The following SEMA3C variants were observed in gnomAD, a reference collection of about 807,000 sequenced individuals.
The protein encoded by SEMA3C is semaphorin-3C.
A neutral mutation model predicts 89.4 loss-of-function variants in SEMA3C; 47 were observed. The observed-to-expected ratio is 0.53, with a 90% CI of 0.42 to 0.67. SEMA3C has a LOEUF of 0.67. SEMA3C is among the 30% of genes least tolerant of loss of function. The pLI is 0.00. For missense variants in SEMA3C, 839 were observed against 929.1 expected (o/e 0.90, Z 1.26); for synonymous variants, 310 against 320.2 (o/e 0.97, Z 0.34).
At chr7:80,767,269 T>C (rs1053120647) in intron 12 of SEMA3C, among the ~76,000 whole-genome samples, 3 of 152,230 alleles carry the variant, frequency 2.0e-5, no homozygotes, top group Non-Finnish European at 4.4e-5. Context: ...ATATGTTTCT[T>C]TGGATATCTC....
intron 11 of SEMA3C, chr7:80,793,577 A>G (rs1432226692): frequency 2.5e-6 from 1 of 402,078 alleles, no homozygotes; most frequent in Non-Finnish European, 4.8e-6. Flanking sequence ...TAAGATAAAC[A>G]ATCAATTTTG....
intron 2 of SEMA3C, among the ~76,000 whole-genome samples, chr7:80,858,908 T>C (rs1341798624): frequency 6.6e-6 from 1 of 152,154 alleles, no homozygotes; most frequent in East Asian, 1.9e-4. Context: ...AATGGTATCT[T>C]AAAAAGGATA....
chr7:80,851,033 C>T (rs565036880), intron 2 of SEMA3C, among the ~76,000 whole-genome samples: 8 of 152,208 alleles, frequency 5.3e-5, no homozygotes, highest in African/African-American at 1.9e-4. Context: ...GACCACCTCC[C>T]TCCGATCTCT....
chr7:80,882,466 G>C (rs561868908), intron 2 of SEMA3C, among the ~76,000 whole-genome samples: 1 of 71,762 alleles, frequency 1.4e-5, no homozygotes, highest in Non-Finnish European at 2.6e-5. Context: ...ATTATGCCTC[G>C]TATTATTTAT....
chr7:80,830,167 G>T (rs557439873), intron 2 of SEMA3C, among the ~76,000 whole-genome samples: 1 of 152,142 alleles, frequency 6.6e-6, no homozygotes, highest in African/African-American at 2.4e-5. Flanking sequence ...CCAATAATCT[G>T]AAAATGCCCT....
chr7:80,905,482 C>G (rs1791992464), intron 2 of SEMA3C, among the ~76,000 whole-genome samples: 1 of 152,004 alleles, frequency 6.6e-6, no homozygotes, highest in Admixed American at 6.6e-5. Flanking sequence ...AATGACTCTG[C>G]ACAGTTACAG....
chr7:80,803,094 A>T (rs1789248017), intron 8 of SEMA3C, among the ~76,000 whole-genome samples: 1 of 152,170 alleles, frequency 6.6e-6, no homozygotes, highest in African/African-American at 2.4e-5. Context: ...AGATCATTTA[A>T]TCTGCCTTTC....
intron 12 of SEMA3C, among the ~76,000 whole-genome samples, chr7:80,780,296 A>G (rs1312947531): frequency 2.0e-5 from 3 of 152,212 alleles, no homozygotes; most frequent in Admixed American, 1.3e-4. Context: ...TTTATATATC[A>G]TAAGTCCTGG....
chr7:80,863,712 A>G (rs1247118285), intron 2 of SEMA3C, among the ~76,000 whole-genome samples: 1 of 149,086 alleles, frequency 6.7e-6, no homozygotes, highest in Non-Finnish European at 1.5e-5. Context: ...TGTGATATAT[A>G]TATCACAGAT....
chr7:80,775,526 T>C (rs977064174), intron 12 of SEMA3C, among the ~76,000 whole-genome samples: 1 of 152,298 alleles, frequency 6.6e-6, no homozygotes, highest in African/African-American at 2.4e-5. Context: ...TTATATTCTA[T>C]TTTTAATGCA....
At chr7:80,767,876 T>C (rs886698409) in intron 12 of SEMA3C, among the ~76,000 whole-genome samples, 4 of 152,222 alleles carry the variant, frequency 2.6e-5, no homozygotes, top group African/African-American at 4.8e-5. Flanking sequence ...CTCATGTTTA[T>C]AGTTTGTGTT....
chr7:80,820,719 A>G (rs889797496), intron 4 of SEMA3C, among the ~76,000 whole-genome samples: 2 of 152,178 alleles, frequency 1.3e-5, no homozygotes, highest in Non-Finnish European at 2.9e-5. Context: ...CTGGAAATTG[A>G]TTACATAACT....
At chr7:80,789,742 G>A (rs866574860) in intron 11 of SEMA3C, among the ~76,000 whole-genome samples, 9 of 152,242 alleles carry the variant, frequency 5.9e-5, no homozygotes, top group Middle Eastern at 3.4e-3. Context: ...CTAAGTCATT[G>A]TATGTTATTC....
chr7:80,815,413 C>T (rs2115742954), intron 5 of SEMA3C, among the ~76,000 whole-genome samples: 1 of 151,568 alleles, frequency 6.6e-6, no homozygotes, highest in South Asian at 2.1e-4. Flanking sequence ...AGATTAGGAG[C>T]ACAAAAGCTG....
At chr7:80,771,060 T>C (rs555099723) in intron 12 of SEMA3C, among the ~76,000 whole-genome samples, 28 of 152,368 alleles carry the variant, frequency 1.8e-4, no homozygotes, top group African/African-American at 6.5e-4. Flanking sequence ...TTTTAAGTAG[T>C]CTGAGTAAGG....
intron 12 of SEMA3C, among the ~76,000 whole-genome samples, chr7:80,786,900 G>C (rs771424316): frequency 6.6e-6 from 1 of 152,188 alleles, no homozygotes; most frequent in Non-Finnish European, 1.5e-5. Context: ...AGTTTTCAAA[G>C]AGGATAAACT....
At chr7:80,886,055 G>C (rs1273516040) in intron 2 of SEMA3C, among the ~76,000 whole-genome samples, 1 of 152,164 alleles carries the variant, frequency 6.6e-6, no homozygotes, top group Non-Finnish European at 1.5e-5. Flanking sequence ...ATTCCACTGA[G>C]TCTAAAATAT....
At chr7:80,775,386 C>T (rs1207887881) in intron 12 of SEMA3C, among the ~76,000 whole-genome samples, 3 of 151,884 alleles carry the variant, frequency 2.0e-5, no homozygotes, top group African/African-American at 4.8e-5. Flanking sequence ...TTCTGAAAAT[C>T]TTAGTGACAG....
chr7:80,856,536 GA>G (rs397970593), intron 2 of SEMA3C, among the ~76,000 whole-genome samples: 713 of 49,188 alleles, frequency 0.014, 1 homozygote, highest in African/African-American at 0.043. Flanking sequence ...ATTGGTTAAG[GA>G]AAAAAAAAAA....
Sources: gnomAD v4.1 joint callset for allele counts (sites outside exome capture counted in the v4.1 genomes callset) on GRCh38, gnomAD v4.1.1 for gene constraint, MANE v1.5 for transcripts, NCBI Gene and HGNC (gene_info 2026-07-23, HGNC 2026-07-21) for gene names.